The following GPD2 variants were observed in gnomAD, a reference collection of about 807,000 sequenced individuals.
GPD2 encodes glycerol-3-phosphate dehydrogenase, mitochondrial.
Under a neutral mutation model 82.4 loss-of-function variants are expected in GPD2, and 54 were observed. The observed-to-expected ratio is 0.66, with a 90% CI of 0.53 to 0.82. The LOEUF (loss-of-function observed/expected upper bound fraction) is 0.82. Among genes scored for constraint, GPD2 ranks in the 40% least tolerant of loss-of-function variants. GPD2 has a pLI of 0.00. For synonymous variants in GPD2, 288 were observed against 306.1 expected, an observed-to-expected ratio of 0.94 and a Z score of 0.62; for missense variants, 748 against 896.2, an observed-to-expected ratio of 0.83 and a Z score of 2.11.
At chr2:156,512,628 G>A (rs1685043177) in intron 5 of GPD2, among the ~76,000 whole-genome samples, 1 of 152,154 alleles carries the variant, frequency 6.6e-6, no homozygotes, top group Non-Finnish European at 1.5e-5. Flanking sequence ...AACATAAGAG[G>A]ATCATGTGCA....
intron 9 of GPD2, 85 bp downstream of exon 9, chr2:156,557,667 C>T (rs1006477288): frequency 2.5e-6 from 2 of 809,252 alleles, no homozygotes; most frequent in South Asian, 2.8e-5. Flanking sequence ...TGCTATGTCT[C>T]CAGTCTGACT....
chr2:156,467,080 G>A (rs1161033941), intron 1 of GPD2, among the ~76,000 whole-genome samples: 1 of 151,748 alleles, frequency 6.6e-6, no homozygotes, highest in Admixed American at 6.6e-5. Flanking sequence ...ATTTTCTTTC[G>A]CTTTCTCTTT....
the GPD2 span, among the ~76,000 whole-genome samples, chr2:156,407,745 C>T: frequency 6.6e-6 from 1 of 152,044 alleles, no homozygotes; most frequent in African/African-American, 2.4e-5. Flanking sequence ...CCATTTTGTT[C>T]ATGTATGAGA....
intron 2 of GPD2, among the ~76,000 whole-genome samples, chr2:156,487,727 A>G (rs767700887): frequency 6.6e-6 from 1 of 151,936 alleles, no homozygotes; most frequent in Non-Finnish European, 1.5e-5. Context: ...TTCTCTATCT[A>G]CCCCAACCTC....
chr2:156,569,489 G>A lies in GPD2; in HGVS notation c.1427G>A (p.Ser476Asn), dbSNP rs1175660179. 1.9e-6 allele frequency: 3 copies of A among 1,612,992 alleles called. No homozygotes were observed. Among genetic ancestry groups the A allele is most frequent in the Non-Finnish European group, 2.5e-6 (3 of 1,179,174 alleles). The stretch of plus-strand genomic sequence containing the variant: ...TTCCTTCAAGGGGGTAAAGATTGGA[G>A]CCCCACACTCTACATTAGGCTTGTG... Reference protein sequence around the residue: ...GLFLQGGKDWSPTLYIRLVQD... With the variant: ...GLFLQGGKDWNPTLYIRLVQD... Residue 476 changes from serine to asparagine, a missense_variant, in exon 11 of 17, where the codon AGC becomes AAC. Physicochemically the swap from Ser to Asn is conservative, Grantham distance 46. This residue lies in a region of GPD2 where 692 missense variants were observed against 809.7 expected (regional missense o/e 0.85). Transcript: ENST00000438166.
rs907435636 is a variant in GPD2 at position 156,570,194 on chromosome 2, A to T, written c.1584A>T (p.Ser528=). 4 of 1,613,082 alleles carry T rather than the reference A, an allele frequency of 2.5e-6. No homozygotes were observed. Among genetic ancestry groups the T allele is most frequent in the Non-Finnish European group, 3.4e-6 (4 of 1,179,208 alleles). ...RWPIVGVRLV[S]EFPYIEAEVK... ...CTATTGTTGGAGTACGTCTTGTGTCAGAATTTCCATATATTGAAGCAGAGG... is the reference window on the plus strand; with the variant it reads ...CTATTGTTGGAGTACGTCTTGTGTCTGAATTTCCATATATTGAAGCAGAGG... Residue 528 remains serine, a synonymous_variant, in exon 12 of 17, where the codon TCA becomes TCT. Coordinates refer to ENST00000438166, the MANE Select transcript of GPD2 (RefSeq NM_000408.5).
chr2:156,553,478 A>G (rs1443632366), intron 8 of GPD2, among the ~76,000 whole-genome samples: 1 of 152,218 alleles, frequency 6.6e-6, no homozygotes, highest in Non-Finnish European at 1.5e-5. Flanking sequence ...CTTACTGCCC[A>G]GCTAACCCCT....
chr2:156,428,099 C>T, the GPD2 span, among the ~76,000 whole-genome samples: 6 of 152,194 alleles, frequency 3.9e-5, no homozygotes, highest in African/African-American at 1.4e-4. Flanking sequence ...CTCCCCACTG[C>T]TGGGCCCAAT....
chr2:156,490,279 G>T lies in GPD2; in HGVS notation c.103-5765G>T, dbSNP rs540200501. 6.6e-5 allele frequency among the ~76,000 whole-genome samples: 10 copies of T among 151,902 alleles called. 1 individual carries two copies. The South Asian group carries it at 2.1e-3, about 32-fold the overall frequency. On this transcript the variant is annotated intron_variant, in intron 2 of 16. Coordinates refer to ENST00000438166, the MANE Select transcript of GPD2 (RefSeq NM_000408.5). ...ACTCAAAACCATATGAAGCCAAAAT[G>T]AGTCTTTTTCCTGTCATAATTATAA...
intron 9 of GPD2, among the ~76,000 whole-genome samples, chr2:156,561,546 A>T (rs568323553): frequency 6.6e-6 from 1 of 152,276 alleles, no homozygotes; most frequent in South Asian, 2.1e-4. Flanking sequence ...TTAGCATGAC[A>T]ATGACCTTTG....
intron 7 of GPD2, 77 bp from the exon 8 acceptor site, chr2:156,550,524 TA>T: frequency 2.1e-6 from 3 of 1,397,762 alleles, no homozygotes; most frequent in Non-Finnish European, 3.0e-6. Context: ...GTTAAGTTAA[TA>T]GATGAATTAG....
chr2:156,439,825 C>T (rs991237514), intron 1 of GPD2, among the ~76,000 whole-genome samples: 10 of 133,186 alleles, frequency 7.5e-5, no homozygotes, highest in African/African-American at 2.3e-4. Context: ...CCAGCCTGGG[C>T]GACAGAAGGA....
At chr2:156,511,230 T>C (rs1489072021) in intron 4 of GPD2, among the ~76,000 whole-genome samples, 1 of 152,212 alleles carries the variant, frequency 6.6e-6, no homozygotes, top group African/African-American at 2.4e-5. Flanking sequence ...AAATTGCTAC[T>C]TTGCAAGCAC....
At chr2:156,450,731 C>T (rs298239) in intron 1 of GPD2, among the ~76,000 whole-genome samples, 62,059 of 70,484 alleles carry the variant, frequency 0.88, 28,214 homozygotes, top group South Asian at 0.99. Context: ...GGCAGGGTCA[C>T]AGGACAATAG....
At chr2:156,560,434 AG>A (rs1687126049) in intron 9 of GPD2, among the ~76,000 whole-genome samples, 1 of 152,212 alleles carries the variant, frequency 6.6e-6, no homozygotes, top group Admixed American at 6.5e-5. Context: ...ATTGCAAACC[AG>A]GTCTTCCTCC....
intron 2 of GPD2, among the ~76,000 whole-genome samples, chr2:156,491,048 C>T (rs1449972331): frequency 6.6e-6 from 1 of 152,146 alleles, no homozygotes; most frequent in Non-Finnish European, 1.5e-5. Context: ...TGTGATCAAG[C>T]TGTAGAACAT....
At chr2:156,490,719 C>T (rs181444608) in intron 2 of GPD2, among the ~76,000 whole-genome samples, 2 of 152,168 alleles carry the variant, frequency 1.3e-5, no homozygotes, top group East Asian at 3.9e-4. Context: ...ACTTAGGGAC[C>T]AATTGCTTAA....
Position 156,557,480 on chromosome 2 carries a change from A to G in GPD2, c.1063A>G (p.Thr355Ala), listed in dbSNP as rs1687004794. 3 of 1,599,994 alleles carry G rather than the reference A, an allele frequency of 1.9e-6. No individual in the cohort carries two copies. Among genetic ancestry groups the G allele is most frequent in the South Asian group, 1.1e-5 (1 of 90,842 alleles). ...PWQKMTIAGT[T>A]DTPTDVTHHP... ...GCAAAAGATGACGATCGCTGGCACT[A>G]CTGATACTCCAACTGATGTTACACA... The change falls in exon 9 of 17, where the codon ACT (threonine) becomes GCT (alanine). Residue 355 changes from threonine to alanine, a missense_variant. Transcript: ENST00000438166.
chr2:156,451,474 C>A (rs1433020362), intron 1 of GPD2, among the ~76,000 whole-genome samples: 3 of 38,148 alleles, frequency 7.9e-5, no homozygotes, highest in African/African-American at 1.8e-4. Flanking sequence ...GGGGGCTGAC[C>A]CCCCCACCTC....
Sources: allele counts gnomAD v4.1 joint callset (sites outside exome capture counted in the v4.1 genomes callset), GRCh38; gene constraint gnomAD v4.1.1; regional missense constraint gnomAD v4.1.1; transcripts MANE v1.5; gene names NCBI Gene and HGNC (gene_info 2026-07-23, HGNC 2026-07-21).